The following RALYL variants were observed in gnomAD, a reference collection of about 807,000 sequenced individuals.
RALYL encodes the protein RALY RNA binding protein like, also known as RNA-binding Raly-like protein.
A neutral mutation model predicts 35.1 loss-of-function variants in RALYL; 29 were observed. The observed-to-expected ratio is 0.83, with a 90% confidence interval of 0.61 to 1.13. The LOEUF (loss-of-function observed/expected upper bound fraction) is 1.13, where lower values mean the gene tolerates loss of function less well. Among genes scored for constraint, RALYL ranks in the 50% most tolerant of loss-of-function variants. The pLI is 0.00. For synonymous variants in RALYL, 120 were observed against 127.6 expected (o/e 0.94, Z 0.40); for missense variants, 359 against 360.4 (o/e 1.00, Z 0.03).
chr8:84,428,077 G>GTCTCTCTCTCTCTC (rs71271988), intron 1 of RALYL, among the ~76,000 whole-genome samples: 7 of 129,326 alleles, frequency 5.4e-5, no homozygotes, highest in African/African-American at 1.7e-4. Context: ...CTTGCTCGCT[G>GTCTCTCTCTCTCTC]TCTCTCTCTC....
At chr8:84,567,805 C>A (rs2061892209) in intron 2 of RALYL, among the ~76,000 whole-genome samples, 1 of 151,302 alleles carries the variant, frequency 6.6e-6, no homozygotes, top group African/African-American at 2.4e-5. Context: ...AGAGGTTTAA[C>A]TAACTGAGAT....
intron 1 of RALYL, among the ~76,000 whole-genome samples, chr8:84,286,654 T>C (rs1041014307): frequency 2.4e-4 from 37 of 152,306 alleles, no homozygotes; most frequent in Admixed American, 1.2e-3. Context: ...ACATGGAGAC[T>C]ATATATTGGT....
intron 4 of RALYL, chr8:84,829,299 C>A (rs1347047545): frequency 6.6e-6 from 1 of 152,282 alleles, no homozygotes. Flanking sequence ...GGAGCTACAA[C>A]TCAAGATGAG....
chr8:84,752,596 A>G (rs1179694293), intron 2 of RALYL, among the ~76,000 whole-genome samples: 1 of 152,062 alleles, frequency 6.6e-6, no homozygotes, highest in Non-Finnish European at 1.5e-5. Context: ...GGTAAACATG[A>G]TTTCAAAGTA....
At chr8:84,553,561 C>A (rs576948658) in intron 2 of RALYL, among the ~76,000 whole-genome samples, 1 of 152,102 alleles carries the variant, frequency 6.6e-6, no homozygotes, top group African/African-American at 2.4e-5. Flanking sequence ...TCACAACATC[C>A]CTCAAACGAG....
intron 2 of RALYL, among the ~76,000 whole-genome samples, chr8:84,539,807 G>C (rs2059866474): frequency 7.2e-6 from 1 of 138,978 alleles, no homozygotes; most frequent in African/African-American, 2.7e-5. Flanking sequence ...ATGTCTCTCT[G>C]AATATATATT....
chr8:84,849,561 GTT>G (rs780565835), intron 4 of RALYL, among the ~76,000 whole-genome samples: 3 of 141,778 alleles, frequency 2.1e-5, no homozygotes, highest in Non-Finnish European at 3.1e-5. Context: ...TTTTGTTTTT[GTT>G]TTTTTTTTTT....
intron 1 of RALYL, among the ~76,000 whole-genome samples, chr8:84,252,292 ATTT>A (rs1237817654): frequency 6.6e-6 from 1 of 152,094 alleles, no homozygotes; most frequent in Non-Finnish European, 1.5e-5. Flanking sequence ...GCCAGTGCTC[ATTT>A]TTTGATATAT....
chr8:84,528,352 A>C (rs552141859), intron 1 of RALYL, among the ~76,000 whole-genome samples: 1 of 152,282 alleles, frequency 6.6e-6, no homozygotes, highest in East Asian at 1.9e-4. Context: ...GAAGAAAGGA[A>C]GGAAAGAAGG....
Position 84,457,846 on chromosome 8 carries a change from GTAT to G in RALYL, c.-23-71447_-23-71445del, listed in dbSNP as rs1157166978. 7.3e-5 allele frequency among the ~76,000 whole-genome samples: 11 copies of G among 151,414 alleles called. No homozygotes were observed. The East Asian group carries it at 2.1e-3, about 29-fold the overall frequency. On this transcript the variant is annotated intron_variant, in intron 1 of 8. Coordinates refer to ENST00000521268, the MANE Select transcript of RALYL (RefSeq NM_173848.7). ...TTTCTATAATTATTTTTCCTTTCTT[GTAT>G]TATTACTCCTTACCACATTGTATTG...
At chr8:84,436,171 A>C (rs1437835540) in intron 1 of RALYL, among the ~76,000 whole-genome samples, 2 of 152,094 alleles carry the variant, frequency 1.3e-5, no homozygotes, top group Non-Finnish European at 2.9e-5. Flanking sequence ...AGAAGATTAA[A>C]TATTATTAAA....
chr8:84,307,818 G>C (rs543133693), intron 1 of RALYL, among the ~76,000 whole-genome samples: 1 of 152,064 alleles, frequency 6.6e-6, no homozygotes, highest in Non-Finnish European at 1.5e-5. Flanking sequence ...GATCAGAATG[G>C]GGTTATTAGC....
intron 1 of RALYL, among the ~76,000 whole-genome samples, chr8:84,238,211 C>T (rs547191803): frequency 4.6e-5 from 7 of 151,822 alleles, no homozygotes; most frequent in South Asian, 2.1e-4. Flanking sequence ...TCAGACAGTA[C>T]GACATTCATT....
chr8:84,475,696 A>T (rs918347879), intron 1 of RALYL, among the ~76,000 whole-genome samples: 1 of 152,156 alleles, frequency 6.6e-6, no homozygotes, highest in African/African-American at 2.4e-5. Context: ...TGGTAAAAGA[A>T]AAAAAAGGCT....
intron 1 of RALYL, among the ~76,000 whole-genome samples, chr8:84,279,458 G>A (rs1448215420): frequency 1.3e-5 from 2 of 152,130 alleles, no homozygotes; most frequent in African/African-American, 2.4e-5. Context: ...TTCAGGTAGA[G>A]GTAAGTGTTA....
At chr8:84,671,837 C>T (rs1588910402) in intron 2 of RALYL, among the ~76,000 whole-genome samples, 1 of 152,272 alleles carries the variant, frequency 6.6e-6, no homozygotes, top group South Asian at 2.1e-4. Flanking sequence ...AAACATTTTC[C>T]CCATTGTCTT....
At chr8:84,237,769 G>C (rs576871333) in intron 1 of RALYL, among the ~76,000 whole-genome samples, 25 of 152,078 alleles carry the variant, frequency 1.6e-4, no homozygotes, top group African/African-American at 5.3e-4. Flanking sequence ...CCACAACTCA[G>C]AAGAAATATT....
At chr8:84,568,000 G>T (rs2135718397) in intron 2 of RALYL, among the ~76,000 whole-genome samples, 2 of 151,276 alleles carry the variant, frequency 1.3e-5, no homozygotes, top group East Asian at 2.0e-4. Flanking sequence ...CTGCTTGTGT[G>T]TTTTCTTTTG....
chr8:84,425,895 C>A (rs2046375115), intron 1 of RALYL, among the ~76,000 whole-genome samples: 1 of 150,796 alleles, frequency 6.6e-6, no homozygotes, highest in African/African-American at 2.4e-5. Context: ...TGGTTGCTAC[C>A]AGTACAGCAT....
Sources: gnomAD v4.1 joint callset for allele counts (sites outside exome capture counted in the v4.1 genomes callset) on GRCh38, gnomAD v4.1.1 for gene constraint, MANE v1.5 for transcripts, NCBI Gene and HGNC (gene_info 2026-07-23, HGNC 2026-07-21) for gene names.